Variants in AMY2B observed in about 807,000 individuals in gnomAD.
AMY2B encodes the protein alpha-amylase 2B.
In AMY2B, 63 loss-of-function variants were observed where a neutral mutation model predicts 59.3. That is an observed-to-expected ratio of 1.06 (90% confidence interval 0.87 to 1.31). AMY2B has a LOEUF of 1.31. Among genes scored for constraint, AMY2B ranks in the 50% most tolerant of loss-of-function variants. The probability of loss-of-function intolerance (pLI) is 0.00; values close to 1 mark genes in which losing one functional copy is unlikely to be tolerated. For synonymous variants in AMY2B, 180 were observed against 198.1 expected (o/e 0.91, Z 0.77); for missense variants, 635 against 626.7 (o/e 1.01, Z -0.14).
Position 103,573,942 on chromosome 1 carries a change from C to T in AMY2B, c.744+4C>T, listed in dbSNP as rs754338707. The stretch of plus-strand genomic sequence containing the variant: ...TAAACCTTTCATTTACCAGGAGGTA[C>T]ATCAATACATATATGCATATAAAAT... On this transcript the variant is annotated splice_donor_region_variant and intron_variant, in intron 4 of 9. Transcript: ENST00000684275. 1.2e-6 allele frequency: 2 copies of T among 1,613,560 alleles called. No homozygotes were observed. Among genetic ancestry groups the T allele is most frequent in the Non-Finnish European group, 1.7e-6 (2 of 1,179,712 alleles).
At chr1:103,574,836 A>G (rs916993924) in intron 5 of AMY2B, among the ~76,000 whole-genome samples, 1 of 151,568 alleles carries the variant, frequency 6.6e-6, no homozygotes, top group African/African-American at 2.4e-5. Flanking sequence ...GACATTCCGT[A>G]AAATGTGATA....
At chr1:103,570,105 G>T, upstream of AMY2B, 3 of 438,944 alleles carry the variant, frequency 6.8e-6, no homozygotes, top group South Asian at 5.5e-5. Context: ...GCCAGGACCT[G>T]ACCAACTACC....
rs1652141687 is a variant in AMY2B at position 103,571,770 on chromosome 1, G to T, written c.168G>T (p.Gln56His). The T allele has an allele frequency of 6.2e-7, 1 of 1,611,956 alleles. No individual in the cohort carries two copies. The highest frequency in any genetic ancestry group is 2.2e-5 in the East Asian group (1 of 44,860). ...YLAPKGFGGV[Q>H]VSPPNENVAI... is the part of the protein sequence containing the mutation. ...CTCCCAAGGGATTTGGAGGGGTTCA[G>T]GTGGGTATGATTCATAGTATCAATT... Residue 56 changes from glutamine (Q) to histidine (H), a missense_variant and splice_region_variant, in exon 1 of 10, where the codon CAG (glutamine) becomes CAT (histidine). Coordinates refer to ENST00000684275, the MANE Select transcript of AMY2B (RefSeq NM_001387437.1).
At chr1:103,577,160 C>G (rs1652389670) in intron 7 of AMY2B, among the ~76,000 whole-genome samples, 1 of 152,094 alleles carries the variant, frequency 6.6e-6, no homozygotes. Context: ...ATCGCTTGAG[C>G]CTGGGAGATC....
chr1:103,557,647 A>C (rs1320537714), intron 1 of AMY2B, among the ~76,000 whole-genome samples: 1 of 145,222 alleles, frequency 6.9e-6, no homozygotes, highest in Non-Finnish European at 1.5e-5. Context: ...AGTTAGATTA[A>C]AAAAAAAAAA....
At chr1:103,577,985 G>C in intron 9 of AMY2B, 140 bp downstream of exon 9, 1 of 1,513,486 alleles carries the variant, frequency 6.6e-7, no homozygotes, top group Admixed American at 2.2e-5. Context: ...TCAAAATTGG[G>C]CAGAAGTAAA....
intron 1 of AMY2B, among the ~76,000 whole-genome samples, chr1:103,560,051 TC>T (rs1009038083): frequency 4.6e-5 from 7 of 152,168 alleles, no homozygotes; most frequent in African/African-American, 1.4e-4. Flanking sequence ...ATTAGAATAT[TC>T]TTTTTTATTT....
intron 1 of AMY2B, chr1:103,564,922 C>T (rs1651856475): frequency 6.6e-6 from 1 of 152,092 alleles, no homozygotes; most frequent in Non-Finnish European, 1.5e-5. Context: ...GTCATAAAGA[C>T]ATTGCCATTC....
chr1:103,577,821 T>G lies in AMY2B; in HGVS notation c.1322T>G (p.Phe441Cys), dbSNP rs1404312746. The G allele has an allele frequency of 6.2e-7, 1 of 1,604,130 alleles. No individual in the cohort carries two copies. Among genetic ancestry groups the G allele is most frequent in the Admixed American group, 1.7e-5 (1 of 60,000 alleles). The change falls in exon 9 of 10, where the codon TTC (phenylalanine) becomes TGC (cysteine). Residue 441 changes from phenylalanine (F) to cysteine (C), a missense_variant. Transcript: ENST00000684275. ...GCTTTTGGGAGAGGAAACAGAGGAT[T>G]CATTGTTTTCAACAATGATGACTGG... ...QVAFGRGNRG[F>C]IVFNNDDWTF...
At chr1:103,569,952 T>C, upstream of AMY2B, 1 of 468,116 alleles carries the variant, frequency 2.1e-6, no homozygotes, top group South Asian at 1.8e-5. Flanking sequence ...GCCATGTACG[T>C]GGCCATCCAG....
upstream of AMY2B, among the ~76,000 whole-genome samples, chr1:103,567,831 C>A (rs369392675): frequency 3.9e-5 from 6 of 152,238 alleles, no homozygotes; most frequent in East Asian, 9.7e-4. Context: ...ACACTGATTT[C>A]TTTTTAATGT....
chr1:103,579,212 C>CT, intron 9 of AMY2B, 99 bp from the exon 10 acceptor site: 1 of 1,602,214 alleles, frequency 6.2e-7, no homozygotes, highest in Non-Finnish European at 8.5e-7. Flanking sequence ...GACTTCACTG[C>CT]TTAGGGTTCT....
In AMY2B at chr1:103,577,623, T is replaced by C; in HGVS notation, c.1220+15T>C. 1 of 1,611,884 alleles carries C rather than the reference T, an allele frequency of 6.2e-7. No homozygotes were observed. Among genetic ancestry groups the C allele is most frequent in the Non-Finnish European group, 8.5e-7 (1 of 1,179,774 alleles). On this transcript the variant is annotated intron_variant, in intron 8 of 9. Coordinates refer to ENST00000684275, the MANE Select transcript of AMY2B (RefSeq NM_001387437.1). ...CGCCAAATAAGGTGAGAATATGTAT[T>C]TAGACATGTCCTCTAATAGTAAACT...
intron 1 of AMY2B, among the ~76,000 whole-genome samples, chr1:103,557,638 G>A (rs1156983918): frequency 6.7e-6 from 1 of 149,996 alleles, no homozygotes; most frequent in Non-Finnish European, 1.5e-5. Context: ...CAGTGATGGA[G>A]TTAGATTAAA....
At chr1:103,561,592 A>T (rs549228519) in intron 1 of AMY2B, among the ~76,000 whole-genome samples, 1 of 151,972 alleles carries the variant, frequency 6.6e-6, no homozygotes, top group African/African-American at 2.4e-5. Context: ...ATTTTATTTT[A>T]TATGGTTATT....
chr1:103,570,032 A>G (rs1652058338), upstream of AMY2B: 2 of 436,224 alleles, frequency 4.6e-6, no homozygotes, highest in Non-Finnish European at 9.2e-6. Context: ...GGGGTCACCC[A>G]CATGGTGCCC....
At chr1:103,563,874 A>C (rs1296943740) in intron 1 of AMY2B, among the ~76,000 whole-genome samples, 2 of 152,168 alleles carry the variant, frequency 1.3e-5, no homozygotes, top group East Asian at 3.9e-4. Flanking sequence ...AAAAAATTGC[A>C]GGTAGAAAAT....
intron 7 of AMY2B, among the ~76,000 whole-genome samples, chr1:103,577,153 G>A (rs1473485586): frequency 8.5e-5 from 13 of 152,132 alleles, no homozygotes; most frequent in African/African-American, 2.9e-4. Context: ...TAGGAGGATC[G>A]CTTGAGCCTG....
At chr1:103,572,286 A>G in intron 2 of AMY2B, 30 bp downstream of exon 2, 12 of 1,602,856 alleles carry the variant, frequency 7.5e-6, no homozygotes, top group Non-Finnish European at 1.0e-5. Context: ...CTTGAAAAAT[A>G]ACAGATAGGA....
Sources: allele counts gnomAD v4.1 joint callset (sites outside exome capture counted in the v4.1 genomes callset), GRCh38; gene constraint gnomAD v4.1.1; transcripts MANE v1.5; gene names NCBI Gene and HGNC (gene_info 2026-07-23, HGNC 2026-07-21).